RCAN2: variants seen among roughly 807,000 people sequenced by gnomAD.
RCAN2 encodes the protein calcipressin-2.
RCAN2 carries 9 observed loss-of-function variants against 23.6 expected under a neutral mutation model. The ratio of observed to expected loss-of-function variants is 0.38; its 90% CI spans 0.23 to 0.67. The LOEUF is 0.67. Among genes scored for constraint, RCAN2 ranks in the 30% least tolerant of loss-of-function variants. The probability of loss-of-function intolerance (pLI) is 0.51; values close to 1 mark genes in which losing one functional copy is unlikely to be tolerated. For missense variants in RCAN2, 273 were observed against 302.3 expected, an observed-to-expected ratio of 0.90 and a Z score of 0.72; for synonymous variants, 109 against 115.7, an observed-to-expected ratio of 0.94 and a Z score of 0.37.
intron 2 of RCAN2, among the ~76,000 whole-genome samples, chr6:46,384,221 C>A (rs1221316930): frequency 6.6e-6 from 1 of 152,152 alleles, no homozygotes; most frequent in Non-Finnish European, 1.5e-5. Context: ...TCTGCTTCGC[C>A]ATTGCCTGTT....
intron 2 of RCAN2, among the ~76,000 whole-genome samples, chr6:46,383,301 G>A (rs1207606442): frequency 2.0e-5 from 3 of 151,858 alleles, no homozygotes; most frequent in African/African-American, 7.3e-5. Context: ...ATTTGCATGA[G>A]TGGAATGAAA....
rs1428088531 is a variant in RCAN2 at position 46,486,839 on chromosome 6, G to T, written c.-3+4334C>A. On this transcript the variant is annotated intron_variant, in intron 1 of 4. Coordinates refer to ENST00000371374, the MANE Select transcript of RCAN2 (RefSeq NM_001251974.2). ...CTGCAGGGAGTTTGAATTGTATTTG[G>T]AAGCATTTCTTTAACTTCTGGAAAG... 2.0e-5 allele frequency among the ~76,000 whole-genome samples: 3 copies of T among 152,120 alleles called. No individual in the cohort carries two copies. In the East Asian group the frequency reaches 5.8e-4, roughly 29 times the overall value.
At chr6:46,290,136 C>T (rs1389386163) in intron 2 of RCAN2, among the ~76,000 whole-genome samples, 1 of 149,790 alleles carries the variant, frequency 6.7e-6, no homozygotes, top group Non-Finnish European at 1.5e-5. Context: ...AACAGTGATG[C>T]AGAAAAAAAA....
chr6:46,297,690 T>C (rs1434787035), intron 2 of RCAN2, among the ~76,000 whole-genome samples: 2 of 152,128 alleles, frequency 1.3e-5, no homozygotes, highest in African/African-American at 4.8e-5. Context: ...CTGATGGAAA[T>C]AGGAGTAACA....
At chr6:46,328,550 T>C (rs769207529) in intron 2 of RCAN2, among the ~76,000 whole-genome samples, 6 of 152,202 alleles carry the variant, frequency 3.9e-5, no homozygotes, top group Non-Finnish European at 7.3e-5. Flanking sequence ...CATTTTCCTA[T>C]TGGCTAGAGA....
At chr6:46,369,180 C>A (rs116234497) in intron 2 of RCAN2, among the ~76,000 whole-genome samples, 1,604 of 152,194 alleles carry the variant, frequency 0.011, 16 homozygotes, top group Non-Finnish European at 0.015. Flanking sequence ...ACCTCCACAT[C>A]TCGTCCCACT....
At chr6:46,253,208 T>A (rs1766793143) in intron 2 of RCAN2, among the ~76,000 whole-genome samples, 1 of 152,216 alleles carries the variant, frequency 6.6e-6, no homozygotes, top group Non-Finnish European at 1.5e-5. Flanking sequence ...CTACCATCTA[T>A]CTTATTCAAA....
At chr6:46,264,849 G>A (rs750340698) in intron 2 of RCAN2, among the ~76,000 whole-genome samples, 20 of 152,186 alleles carry the variant, frequency 1.3e-4, no homozygotes, top group Non-Finnish European at 2.5e-4. Context: ...TATATGCCAA[G>A]TCCACACTAG....
At chr6:46,454,235 A>G (rs900201441) in intron 2 of RCAN2, among the ~76,000 whole-genome samples, 3 of 152,272 alleles carry the variant, frequency 2.0e-5, no homozygotes, top group Middle Eastern at 3.2e-3. Context: ...AGAATGGAGT[A>G]TGATACTTAA....
chr6:46,329,823 T>C (rs1222739985), intron 2 of RCAN2, among the ~76,000 whole-genome samples: 1 of 152,180 alleles, frequency 6.6e-6, no homozygotes, highest in Non-Finnish European at 1.5e-5. Context: ...ACAGACCCCT[T>C]GGACAGAGGC....
intron 2 of RCAN2, among the ~76,000 whole-genome samples, chr6:46,349,838 C>T (rs953922282): frequency 2.0e-5 from 3 of 152,166 alleles, no homozygotes; most frequent in African/African-American, 4.8e-5. Context: ...AGTCTAATTC[C>T]ACACAGAAGC....
intron 2 of RCAN2, among the ~76,000 whole-genome samples, chr6:46,303,850 T>C (rs140077430): frequency 6.6e-6 from 1 of 152,114 alleles, no homozygotes; most frequent in Non-Finnish European, 1.5e-5. Flanking sequence ...TATTCATCTA[T>C]TTTTTGGTAT....
At chr6:46,231,754 C>T (rs1335677480) in intron 4 of RCAN2, among the ~76,000 whole-genome samples, 1 of 152,146 alleles carries the variant, frequency 6.6e-6, no homozygotes, top group Non-Finnish European at 1.5e-5. Flanking sequence ...CGAACACAGC[C>T]ATACCCTGCT....
intron 2 of RCAN2, among the ~76,000 whole-genome samples, chr6:46,259,663 A>C (rs956821626): frequency 6.6e-6 from 1 of 152,170 alleles, no homozygotes; most frequent in Admixed American, 6.5e-5. Context: ...TATCTGCCTG[A>C]AGATAGTGCC....
At position 46,290,039 on chromosome 6, in the gene RCAN2, G is replaced by A. The variant is rs984585373; in HGVS notation, c.226-41143C>T. On this transcript the variant is annotated intron_variant, in intron 2 of 4. Transcript: ENST00000371374. ...TGGACCCGCAAGTGGGACCAAGTAT[G>A]GAGCATGGCAGGGCTTGCTTCCAGG... Among the ~76,000 whole-genome samples, 3 of 152,286 alleles carry A rather than the reference G, an allele frequency of 2.0e-5. No individual in the cohort carries two copies. In the East Asian group the frequency reaches 5.8e-4, roughly 29 times the overall value.
At position 46,463,417 on chromosome 6, in the gene RCAN2, C is replaced by G. The variant is rs1372053223; in HGVS notation, c.-2-6439G>C. On this transcript the variant is annotated intron_variant, in intron 1 of 4. Coordinates refer to ENST00000371374, the MANE Select transcript of RCAN2 (RefSeq NM_001251974.2). ...TTTGGGTTAGAATAGCATGTCCTGC[C>G]TTATGTGTTAGTGAACTCCTTGTAG... Among the ~76,000 whole-genome samples the G allele has an allele frequency of 2.0e-5, 3 of 152,244 alleles. No individual in the cohort carries two copies. The East Asian group carries it at 5.8e-4, about 29-fold the overall frequency.
intron 2 of RCAN2, among the ~76,000 whole-genome samples, chr6:46,436,509 C>T (rs1008796530): frequency 6.6e-6 from 1 of 152,170 alleles, no homozygotes; most frequent in Admixed American, 6.5e-5. Flanking sequence ...GCCACCGTGC[C>T]GGGCCCAGAG....
intron 2 of RCAN2, among the ~76,000 whole-genome samples, chr6:46,371,946 A>G (rs980357770): frequency 2.6e-5 from 4 of 152,248 alleles, no homozygotes; most frequent in African/African-American, 9.6e-5. Context: ...TTTGAATTTC[A>G]TAAATGGGGA....
At chr6:46,248,250 C>T (rs1284169611) in intron 3 of RCAN2, among the ~76,000 whole-genome samples, 1 of 152,158 alleles carries the variant, frequency 6.6e-6, no homozygotes, top group Non-Finnish European at 1.5e-5. Flanking sequence ...CACCTTTTCT[C>T]ATAAATATGA....
Sources: gnomAD v4.1 joint callset for allele counts (sites outside exome capture counted in the v4.1 genomes callset) on GRCh38, gnomAD v4.1.1 for gene constraint, MANE v1.5 for transcripts, NCBI Gene and HGNC (gene_info 2026-07-23, HGNC 2026-07-21) for gene names.